Variants in SLC26A8 observed in about 807,000 individuals in gnomAD.
SLC26A8 encodes the protein solute carrier family 26 member 8, also known as testis anion transporter 1.
Under a neutral mutation model 105.0 loss-of-function variants are expected in SLC26A8, and 70 were observed. The observed-to-expected ratio is 0.67, with a 90% CI of 0.55 to 0.81. The LOEUF (loss-of-function observed/expected upper bound fraction) is 0.81, where lower values mean the gene tolerates loss of function less well. SLC26A8 is among the 40% of genes least tolerant of loss of function. SLC26A8 has a pLI of 0.00. For synonymous variants in SLC26A8, 415 were observed against 438.3 expected, an observed-to-expected ratio of 0.95 and a Z score of 0.66; for missense variants, 998 against 1,181.8, an observed-to-expected ratio of 0.84 and a Z score of 2.28.
Position 35,979,294 on chromosome 6 carries a change from G to A in SLC26A8, c.1026-1943C>T, listed in dbSNP as rs373444514. On this transcript the variant is annotated intron_variant, in intron 8 of 19. Coordinates refer to ENST00000490799, the MANE Select transcript of SLC26A8 (RefSeq NM_052961.4). ...AGATCGAGACCATCCTGGCTAACAC[G>A]GTGAAACCCCATCGCTACTAAAAAT... Among the ~76,000 whole-genome samples, 11 of 152,086 alleles carry A rather than the reference G, an allele frequency of 7.2e-5. No homozygotes were observed. In the East Asian group the frequency reaches 7.8e-4, roughly 11 times the overall value.
chr6:35,962,082 C>T (rs904319590), intron 12 of SLC26A8, among the ~76,000 whole-genome samples: 10 of 151,914 alleles, frequency 6.6e-5, no homozygotes, highest in East Asian at 3.9e-4. Context: ...AAAAATTAGC[C>T]GGGCATGGTG....
intron 8 of SLC26A8, among the ~76,000 whole-genome samples, chr6:35,978,099 A>AC (rs1289588181): frequency 1.3e-5 from 2 of 151,340 alleles, no homozygotes; most frequent in East Asian, 3.9e-4. Context: ...AAAAAAAAAA[A>AC]ATTCAATATA....
intron 2 of SLC26A8, among the ~76,000 whole-genome samples, chr6:36,013,085 C>G (rs1761905554): frequency 6.6e-6 from 1 of 152,012 alleles, no homozygotes; most frequent in Non-Finnish European, 1.5e-5. Context: ...TGCTTAAGGA[C>G]TTAGTTATGT....
At chr6:35,967,167 C>T in intron 11 of SLC26A8, among the ~76,000 whole-genome samples, 1 of 152,142 alleles carries the variant, frequency 6.6e-6, no homozygotes, top group Non-Finnish European at 1.5e-5. Flanking sequence ...CATGCCTTGG[C>T]TCCAAGGTCC....
chr6:35,963,607 C>T (rs899962787), intron 11 of SLC26A8, among the ~76,000 whole-genome samples: 6 of 152,214 alleles, frequency 3.9e-5, no homozygotes, highest in African/African-American at 1.4e-4. Context: ...TCTGACATCT[C>T]GCCAGGCATA....
At chr6:35,955,131 C>G in intron 17 of SLC26A8, 21 bp downstream of exon 17, 1 of 1,613,844 alleles carries the variant, frequency 6.2e-7, no homozygotes, top group Non-Finnish European at 8.5e-7. Flanking sequence ...GAGCTCCTGC[C>G]AAGGCCTCCT....
At chr6:35,988,935 G>A (rs906581484) in intron 7 of SLC26A8, among the ~76,000 whole-genome samples, 1 of 149,214 alleles carries the variant, frequency 6.7e-6, no homozygotes, top group African/African-American at 2.5e-5. Flanking sequence ...CTGCCTCCCA[G>A]GTTCATACCA....
chr6:35,988,064 C>T (rs765994080), intron 7 of SLC26A8, among the ~76,000 whole-genome samples: 1 of 152,014 alleles, frequency 6.6e-6, no homozygotes, highest in East Asian at 1.9e-4. Context: ...GCACACGCCA[C>T]CATGCCCGGC....
At chr6:36,002,253 TTCCCATTCTCTTTGTTTCCAGGGTTCA>T (rs1581686244) in intron 3 of SLC26A8, among the ~76,000 whole-genome samples, 1 of 152,226 alleles carries the variant, frequency 6.6e-6, no homozygotes, top group Non-Finnish European at 1.5e-5. Flanking sequence ...GGTTGCTACC[TTCCCATTCTCTTTGTTTCCAGGGTTCA>T]TGGTATCCTG....
Position 35,991,693 on chromosome 6 carries a change from T to G in SLC26A8, c.908A>C (p.Gln303Pro). Residue 303 changes from glutamine (Q) to proline (P), a missense_variant, in exon 7 of 20, where the codon CAG (glutamine) becomes CCG (proline). By Grantham distance (76) the Gln-to-Pro change is moderately conservative (BLOSUM62 -1). Coordinates refer to ENST00000490799, the MANE Select transcript of SLC26A8 (RefSeq NM_052961.4). ...TTCCATGGGAAACTCAATGGGATACTGATTGAAAGAAATTCTGATACATTT... is the reference window on the plus strand; with the variant it reads ...TTCCATGGGAAACTCAATGGGATACGGATTGAAAGAAATTCTGATACATTT... The part of the protein sequence containing the change: ...INKCIRISFN[Q>P]YPIEFPMELF... The G allele has an allele frequency of 3.1e-6, 5 of 1,603,716 alleles. No homozygotes were observed. The highest frequency in any genetic ancestry group is 4.2e-6 in the Non-Finnish European group (5 of 1,176,488).
At chr6:35,959,385 T>G in intron 16 of SLC26A8, 75 bp downstream of exon 16, 1 of 1,482,068 alleles carries the variant, frequency 6.7e-7, no homozygotes, top group South Asian at 1.4e-5. Flanking sequence ...GTTTTGATTT[T>G]TTTTTTAAGA....
Position 35,968,607 on chromosome 6 carries a change from GTGTATATATATATATATATATA to G in SLC26A8, c.1365+248_1365+269del, listed in dbSNP as rs1269494949. 9.4e-4 allele frequency among the ~76,000 whole-genome samples: 44 copies of G among 47,036 alleles called. 2 individuals are homozygous for G. The highest frequency in any genetic ancestry group is 7.7e-3 in the South Asian group (11 of 1,422). The allele number at this position is 47,036 out of a possible 152,430, so 30.9% of individuals were successfully genotyped here. A position where few individuals can be genotyped will look rare whatever the true frequency, so the allele number is the denominator to read the frequency against. ...TGTGTGTATGTGTGTGTGTGTGTGT[GTGTATATATATATATATATATA>G]TATATATATATATATATATATATAT... On this transcript the variant is annotated intron_variant, in intron 11 of 19. Coordinates refer to ENST00000490799, the MANE Select transcript of SLC26A8 (RefSeq NM_052961.4).
At chr6:36,014,327 G>T (rs1761940139) in intron 2 of SLC26A8, among the ~76,000 whole-genome samples, 1 of 152,178 alleles carries the variant, frequency 6.6e-6, no homozygotes, top group Non-Finnish European at 1.5e-5. Flanking sequence ...CTTTAAGAGT[G>T]ACAGAAACTA....
rs771293541 is a variant in SLC26A8, at chr6:35,955,458, A to G, written c.1926T>C (p.Ile642=). ...TCATGCTCTCAAAATGTGAGCAGTGAATCAGGTTAATGGAGGATGCTTCGG... is the reference window on the plus strand; with the variant it reads ...TCATGCTCTCAAAATGTGAGCAGTGGATCAGGTTAATGGAGGATGCTTCGG... ...LDPEASSINL[I]HCSHFESMNT... is the part of the protein sequence containing the mutation. The change falls in exon 17 of 20, where the codon ATT becomes ATC. Residue 642 remains isoleucine (I), a synonymous_variant. Coordinates refer to ENST00000490799, the MANE Select transcript of SLC26A8 (RefSeq NM_052961.4). 7 of 1,614,164 alleles carry G rather than the reference A, an allele frequency of 4.3e-6. No homozygotes were observed. The highest frequency in any genetic ancestry group is 5.1e-6 in the Non-Finnish European group (6 of 1,180,012).
chr6:35,944,459 C>T, intron 19 of SLC26A8, 119 bp from the exon 20 acceptor site: 2 of 642,794 alleles, frequency 3.1e-6, no homozygotes, highest in Non-Finnish European at 2.6e-6. Flanking sequence ...TCGCTTTAGA[C>T]CAGGAGTTCA....
intron 12 of SLC26A8, among the ~76,000 whole-genome samples, chr6:35,962,007 C>G (rs1772321988): frequency 6.6e-6 from 1 of 152,202 alleles, no homozygotes; most frequent in African/African-American, 2.4e-5. Flanking sequence ...GCACGTGGAT[C>G]ACAAGGTTAG....
chr6:36,001,798 G>A (rs571256423), intron 3 of SLC26A8, among the ~76,000 whole-genome samples: 1 of 152,312 alleles, frequency 6.6e-6, no homozygotes, highest in East Asian at 1.9e-4. Flanking sequence ...CTGCCATGTT[G>A]TGAATATGGA....
At chr6:35,965,641 C>T (rs1028202999) in intron 11 of SLC26A8, among the ~76,000 whole-genome samples, 6 of 141,428 alleles carry the variant, frequency 4.2e-5, no homozygotes, top group African/African-American at 1.6e-4. Flanking sequence ...GAGATTGCGC[C>T]ATTGCACTCC....
chr6:36,015,617 T>C (rs537818720), intron 2 of SLC26A8, among the ~76,000 whole-genome samples: 3 of 152,084 alleles, frequency 2.0e-5, no homozygotes, highest in Non-Finnish European at 4.4e-5. Flanking sequence ...AATACTTATT[T>C]ATAATGAGGG....
Sources: allele counts gnomAD v4.1 joint callset (sites outside exome capture counted in the v4.1 genomes callset), GRCh38; gene constraint gnomAD v4.1.1; transcripts MANE v1.5; gene names NCBI Gene and HGNC (gene_info 2026-07-23, HGNC 2026-07-21).